ZNF777: variants seen among roughly 807,000 people sequenced by gnomAD.
ZNF777 encodes zinc finger protein 777.
ZNF777 carries 7 observed loss-of-function variants against 72.1 expected under a neutral mutation model. That is an observed-to-expected ratio of 0.10 (90% CI 0.06 to 0.18). ZNF777 has a LOEUF of 0.18. Among genes scored for constraint, ZNF777 ranks in the 10% least tolerant of loss-of-function variants. ZNF777 has a pLI of 1.00. For synonymous variants in ZNF777, 545 were observed against 483.5 expected (o/e 1.13, Z -1.67); for missense variants, 828 against 1,128.6 (o/e 0.73, Z 3.82).
In ZNF777 at chr7:149,460,340, C is replaced by G. The variant is rs1226589672; in HGVS notation, c.-16+475G>C. Among the ~76,000 whole-genome samples the G allele has an allele frequency of 2.1e-5, 3 of 145,782 alleles. No homozygotes were observed. Among genetic ancestry groups the G allele is most frequent in the Non-Finnish European group, 4.6e-5 (3 of 65,694 alleles). ...GCTCGGGGCGCGCGGGGCGAGCGGGCGCGGGGTCGCGGAGCCCGAGCGGCG... is the reference window on the plus strand; with the variant it reads ...GCTCGGGGCGCGCGGGGCGAGCGGGGGCGGGGTCGCGGAGCCCGAGCGGCG... On this transcript the variant is annotated intron_variant, in intron 1 of 5. Coordinates refer to ENST00000247930, the MANE Select transcript of ZNF777 (RefSeq NM_015694.3). This position sits in a 1 kb window ranked among gnomAD's most constrained non-coding sequence, Gnocchi z 6.1.
intron 1 of ZNF777, among the ~76,000 whole-genome samples, chr7:149,457,080 A>C (rs1799848719): frequency 6.6e-6 from 1 of 152,176 alleles, no homozygotes; most frequent in South Asian, 2.1e-4. Flanking sequence ...AGTCAGCTGG[A>C]CTGGTGACTT....
At chr7:149,434,827 A>G (rs1799384802) in intron 5 of ZNF777, among the ~76,000 whole-genome samples, 1 of 152,068 alleles carries the variant, frequency 6.6e-6, no homozygotes, top group Non-Finnish European at 1.5e-5. Context: ...AAGTGATCCG[A>G]TCCGCCTGCC....
chr7:149,437,747 C>A (rs1585689714), intron 4 of ZNF777, among the ~76,000 whole-genome samples: 1 of 149,830 alleles, frequency 6.7e-6, no homozygotes. Flanking sequence ...GGACTTTTCT[C>A]TGTGCTTATG....
chr7:149,440,420 T>C (rs951747276), intron 4 of ZNF777, among the ~76,000 whole-genome samples: 7 of 152,060 alleles, frequency 4.6e-5, no homozygotes, highest in African/African-American at 1.7e-4. Flanking sequence ...AGTACAGTGG[T>C]GAGATCATGG....
intron 5 of ZNF777, among the ~76,000 whole-genome samples, chr7:149,433,934 AG>A (rs1216152803): frequency 6.6e-6 from 1 of 152,250 alleles, no homozygotes; most frequent in African/African-American, 2.4e-5. Flanking sequence ...GTGTGACATA[AG>A]AAAGTCACTT....
Position 149,431,669 on chromosome 7 carries a change from A to G in ZNF777, c.*107T>C, listed in dbSNP as rs986699169. On this transcript the variant is annotated 3_prime_UTR_variant, in exon 6 of 6. Coordinates refer to ENST00000247930, the MANE Select transcript of ZNF777 (RefSeq NM_015694.3). ...AGAGGAGAGGGGGAGCTCACGGCAAAGGGGCTGGGGGGCGCCCCGCCCCCG... is the reference window on the plus strand; with the variant it reads ...AGAGGAGAGGGGGAGCTCACGGCAAGGGGGCTGGGGGGCGCCCCGCCCCCG... 9.2e-7 allele frequency: 1 copy of G among 1,087,110 alleles called. No individual in the cohort carries two copies. The highest frequency in any genetic ancestry group is 1.7e-5 in the African/African-American group (1 of 57,192). The allele number at this position is 1,087,110 out of a possible 1,614,324, so 67.3% of individuals were successfully genotyped here. A position where few individuals can be genotyped will look rare whatever the true frequency, so the allele number is the denominator to read the frequency against.
intron 4 of ZNF777, 49 bp downstream of exon 4, chr7:149,450,950 T>C: frequency 6.6e-7 from 1 of 1,524,838 alleles, no homozygotes; most frequent in Non-Finnish European, 9.1e-7. Context: ...GCTTCCTGAG[T>C]ACTGAAAGAT....
At chr7:149,442,274 T>TACACACAC (rs148217571) in intron 4 of ZNF777, among the ~76,000 whole-genome samples, 6 of 138,508 alleles carry the variant, frequency 4.3e-5, no homozygotes, top group South Asian at 4.6e-4. Flanking sequence ...AAACTGCTAT[T>TACACACAC]ACACACACAC....
chr7:149,455,090 C>T lies in ZNF777; in HGVS notation c.846+87G>A, dbSNP rs1296861825. The T allele has an allele frequency of 1.4e-6, 2 of 1,473,182 alleles. No individual in the cohort carries two copies. Among genetic ancestry groups the T allele is most frequent in the Non-Finnish European group, 9.1e-7 (1 of 1,097,134 alleles). The allele number at this position is 1,473,182 out of a possible 1,614,324, so 91.3% of individuals were successfully genotyped here. ...ACTGTATTTTTTCCTTTATCAACCA[C>T]CCCTTTCTTTCATATTACACTACAT... On this transcript the variant is annotated intron_variant, in intron 2 of 5. Transcript: ENST00000247930. The surrounding 1 kb of genome is among the most constrained non-coding windows in gnomAD (Gnocchi z 4.2).
intron 4 of ZNF777, among the ~76,000 whole-genome samples, chr7:149,447,240 T>G (rs1046564354): frequency 4.6e-5 from 7 of 152,156 alleles, no homozygotes; most frequent in Non-Finnish European, 1.0e-4. Context: ...CTCTTCCCCC[T>G]CTACAGACTG....
intron 1 of ZNF777, among the ~76,000 whole-genome samples, chr7:149,458,615 G>A (rs1243566326): frequency 1.3e-5 from 2 of 152,170 alleles, no homozygotes; most frequent in Admixed American, 1.3e-4. Context: ...AGAGCTCAAA[G>A]GAAAATACTA....
rs774733693 is a variant in ZNF777, at chr7:149,432,906, G to T, written c.1366C>A (p.Gln456Lys). Residue 456 changes from glutamine (Q) to lysine (K), a missense_variant, in exon 6 of 6, where the codon CAA becomes AAA. Gln to Lys is a moderately conservative substitution (Grantham distance 53). This residue lies in a region of ZNF777 where 219 missense variants were observed against 223.0 expected (regional missense o/e 0.98). Transcript: ENST00000247930. ...TEGIVIKTEE[Q>K]DEEEEEEEED... Reference sequence around the variant, plus strand: ...TCCTCCTCTTCTTCCTCCTCGTCTTGTTCCTCTGTCTTGATCACGATCCCC... The same window carrying T: ...TCCTCCTCTTCTTCCTCCTCGTCTTTTTCCTCTGTCTTGATCACGATCCCC... 6 of 1,511,748 alleles carry T rather than the reference G, an allele frequency of 4.0e-6. No homozygotes were observed. In the South Asian group the frequency reaches 8.1e-5, roughly 20 times the overall value. The allele number at this position is 1,511,748 out of a possible 1,614,324, so 93.6% of individuals were successfully genotyped here. A position where few individuals can be genotyped will look rare whatever the true frequency, so the allele number is the denominator to read the frequency against.
intron 1 of ZNF777, among the ~76,000 whole-genome samples, chr7:149,458,297 T>C (rs1012532163): frequency 6.6e-6 from 1 of 152,142 alleles, no homozygotes; most frequent in Non-Finnish European, 1.5e-5. Context: ...CTTCATTCCC[T>C]GTGAAGGAAG....
chr7:149,444,516 G>A (rs904146125), intron 4 of ZNF777, among the ~76,000 whole-genome samples: 1 of 152,132 alleles, frequency 6.6e-6, no homozygotes, highest in African/African-American at 2.4e-5. Context: ...CTCAAGTTGG[G>A]GTTTGTAATG....
At chr7:149,457,101 T>C (rs1273097448) in intron 1 of ZNF777, among the ~76,000 whole-genome samples, 1 of 152,134 alleles carries the variant, frequency 6.6e-6, no homozygotes, top group East Asian at 1.9e-4. Context: ...GTATCCAGAT[T>C]TGGGGGGACT....
intron 4 of ZNF777, among the ~76,000 whole-genome samples, chr7:149,443,890 G>T (rs1799565272): frequency 6.6e-6 from 1 of 152,158 alleles, no homozygotes; most frequent in Non-Finnish European, 1.5e-5. Flanking sequence ...ACCACACCCG[G>T]CCCAAAACTT....
intron 4 of ZNF777, among the ~76,000 whole-genome samples, chr7:149,442,658 T>C (rs1293875988): frequency 2.0e-5 from 3 of 151,166 alleles, no homozygotes; most frequent in Non-Finnish European, 4.4e-5. Flanking sequence ...AGGAAAAGTA[T>C]TCACATACAT....
chr7:149,443,327 G>A (rs116748175), intron 4 of ZNF777, among the ~76,000 whole-genome samples: 2,415 of 152,216 alleles, frequency 0.016, 72 homozygotes, highest in African/African-American at 0.055. Context: ...ATGTGTATAT[G>A]TATTACTTAT....
chr7:149,438,728 C>T (rs1164017687), intron 4 of ZNF777, among the ~76,000 whole-genome samples: 1 of 152,188 alleles, frequency 6.6e-6, no homozygotes, highest in African/African-American at 2.4e-5. Flanking sequence ...TGCTCCTCTG[C>T]CAAATCCATT....
Sources: gnomAD v4.1 joint callset for allele counts (sites outside exome capture counted in the v4.1 genomes callset) on GRCh38, gnomAD v4.1.1 for gene constraint, gnomAD v4.1.1 regional missense constraint, Gnocchi (gnomAD v3.1) non-coding constraint, MANE v1.5 for transcripts, NCBI Gene and HGNC (gene_info 2026-07-23, HGNC 2026-07-21) for gene names.